Variants in MREG observed in about 807,000 individuals in gnomAD.
MREG encodes melanoregulin, also known as dilute suppressor protein homolog.
A neutral mutation model predicts 28.5 loss-of-function variants in MREG; 31 were observed. The observed-to-expected ratio is 1.09, with a 90% CI of 0.82 to 1.47. MREG has a LOEUF of 1.47. MREG is among the 40% of genes most tolerant of loss of function. The pLI is 0.00. For synonymous variants in MREG, 106 were observed against 95.2 expected, an observed-to-expected ratio of 1.11 and a Z score of -0.66; for missense variants, 256 against 257.4, an observed-to-expected ratio of 0.99 and a Z score of 0.04.
At chr2:216,031,273 G>C (rs902795854) in intron 1 of MREG, among the ~76,000 whole-genome samples, 6 of 151,970 alleles carry the variant, frequency 3.9e-5, no homozygotes, top group Admixed American at 6.6e-5. Context: ...TGGGCATGGT[G>C]GTGGGCGCCT....
intron 1 of MREG, among the ~76,000 whole-genome samples, chr2:216,028,191 TGAAA>T (rs1694624547): frequency 6.6e-6 from 1 of 152,142 alleles, no homozygotes; most frequent in South Asian, 2.1e-4. Flanking sequence ...TGCAAACCAT[TGAAA>T]GAGATGTCTT....
intron 2 of MREG, among the ~76,000 whole-genome samples, chr2:215,956,050 A>C (rs1210955136): frequency 6.6e-6 from 1 of 152,228 alleles, no homozygotes; most frequent in East Asian, 1.9e-4. Context: ...TCATAATGTC[A>C]AACGTATAAC....
intron 2 of MREG, among the ~76,000 whole-genome samples, chr2:215,988,074 A>C (rs1693623653): frequency 6.6e-6 from 1 of 152,088 alleles, no homozygotes; most frequent in African/African-American, 2.4e-5. Context: ...GCCTGATTTT[A>C]TTTCTTAGGC....
intron 1 of MREG, among the ~76,000 whole-genome samples, chr2:216,023,502 G>C (rs1040133540): frequency 1.3e-5 from 2 of 152,120 alleles, no homozygotes; most frequent in Non-Finnish European, 2.9e-5. Context: ...GTGCCAAATA[G>C]CTTTGATTAT....
At chr2:216,028,276 G>A (rs530106863) in intron 1 of MREG, among the ~76,000 whole-genome samples, 23 of 152,312 alleles carry the variant, frequency 1.5e-4, no homozygotes, top group African/African-American at 5.5e-4. Context: ...AGCACTTTGG[G>A]AGGCTGAGGC....
intron 2 of MREG, among the ~76,000 whole-genome samples, chr2:215,961,465 G>A (rs542592203): frequency 6.6e-6 from 1 of 152,006 alleles, no homozygotes; most frequent in South Asian, 2.1e-4. Flanking sequence ...TTGCTCTGTC[G>A]CCCAGGCTGG....
chr2:215,949,059 ACT>A (rs1369416393), intron 2 of MREG, among the ~76,000 whole-genome samples: 58 of 139,822 alleles, frequency 4.1e-4, no homozygotes, highest in South Asian at 7.2e-4. Context: ...TACTACTACT[ACT>A]ACTACTACTA....
chr2:215,995,754 T>A (rs772965138), intron 2 of MREG, among the ~76,000 whole-genome samples: 17 of 152,220 alleles, frequency 1.1e-4, no homozygotes, highest in Non-Finnish European at 2.4e-4. Flanking sequence ...TATTCTAGTG[T>A]TCTTAAATCA....
intron 2 of MREG, 55 bp from the exon 3 acceptor site, chr2:215,947,168 CTCATTCCCAAACT>C: frequency 8.8e-7 from 1 of 1,131,770 alleles, no homozygotes; most frequent in South Asian, 1.4e-5. Flanking sequence ...AAACCTCTAT[CTCATTCCCAAACT>C]TCATGTTGCC....
At chr2:215,973,062 C>A (rs1693148221) in intron 2 of MREG, among the ~76,000 whole-genome samples, 1 of 152,058 alleles carries the variant, frequency 6.6e-6, no homozygotes, top group South Asian at 2.1e-4. Context: ...AAGGAGCAAC[C>A]AAAAGGGGCA....
rs1692238188 is a variant in MREG, at chr2:215,943,645, T to C, written c.*1218A>G. ...TGACGAGGTCAGGAGATCGAGACCA[T>C]CGTGGCTAACATGGTGAAACCCCGT... is the stretch of plus-strand genomic sequence containing the variant. On this transcript the variant is annotated 3_prime_UTR_variant, in exon 5 of 5. Coordinates refer to ENST00000263268, the MANE Select transcript of MREG (RefSeq NM_018000.3). 1 of 366,158 alleles carries C rather than the reference T, an allele frequency of 2.7e-6. No individual in the cohort carries two copies. The highest frequency in any genetic ancestry group is 8.9e-4 in the Middle Eastern group (1 of 1,118). 22.7% of individuals were successfully genotyped at this position (366,158 alleles called of 1,614,324 possible). A position where few individuals can be genotyped will look rare whatever the true frequency, so the allele number is the denominator to read the frequency against.
At chr2:215,971,374 C>A (rs76388792) in intron 2 of MREG, among the ~76,000 whole-genome samples, 2,282 of 152,302 alleles carry the variant, frequency 0.015, 29 homozygotes, top group Middle Eastern at 0.024. Context: ...AATAGAAAAT[C>A]ATCATTCTGA....
intron 2 of MREG, among the ~76,000 whole-genome samples, chr2:215,961,368 A>ACC (rs3078458): frequency 0.88 from 133,706 of 152,002 alleles, 58,886 homozygotes; most frequent in Non-Finnish European, 0.91. Context: ...CATTAGACCT[A>ACC]CCCATTCAGT....
chr2:216,001,327 G>A (rs1322951608), intron 1 of MREG, among the ~76,000 whole-genome samples: 1 of 152,182 alleles, frequency 6.6e-6, no homozygotes, highest in Non-Finnish European at 1.5e-5. Flanking sequence ...CTAATTAGAA[G>A]CAGTATTCCC....
chr2:216,024,452 A>G (rs575666218), intron 1 of MREG, among the ~76,000 whole-genome samples: 67 of 151,874 alleles, frequency 4.4e-4, no homozygotes, highest in Non-Finnish European at 9.0e-4. Context: ...TCAGTCTCAA[A>G]AAAAAAAAAG....
intron 1 of MREG, among the ~76,000 whole-genome samples, chr2:216,024,581 G>A (rs1694566958): frequency 2.0e-5 from 3 of 152,094 alleles, no homozygotes; most frequent in African/African-American, 7.2e-5. Flanking sequence ...CTTGCCTATA[G>A]AAAATATATT....
intron 1 of MREG, among the ~76,000 whole-genome samples, chr2:216,005,827 T>G (rs1694138713): frequency 7.6e-6 from 1 of 130,788 alleles, no homozygotes; most frequent in African/African-American, 3.3e-5. Flanking sequence ...AACACAAGTT[T>G]TTAAAAGATT....
At position 215,982,322 on chromosome 2, in the gene MREG, A is replaced by G. The variant is rs182621949; in HGVS notation, c.255+13984T>C. ...GGTGACAGGAGCAAAATTCTGTCACAGCAAAACTCCGTCAAAAAAAAAAAA... is the reference window on the plus strand; with the variant it reads ...GGTGACAGGAGCAAAATTCTGTCACGGCAAAACTCCGTCAAAAAAAAAAAA... On this transcript the variant is annotated intron_variant, in intron 2 of 4. Coordinates refer to ENST00000263268, the MANE Select transcript of MREG (RefSeq NM_018000.3). 5.0e-3 allele frequency among the ~76,000 whole-genome samples: 703 copies of G among 140,546 alleles called. 3 individuals carry two copies. The highest frequency in any genetic ancestry group is 9.3e-3 in the Admixed American group (123 of 13,292). 92.2% of individuals were successfully genotyped at this position (140,546 alleles called of 152,430 possible).
chr2:216,031,858 T>G (rs371490902), intron 1 of MREG, among the ~76,000 whole-genome samples: 2 of 152,226 alleles, frequency 1.3e-5, no homozygotes, highest in African/African-American at 2.4e-5. Context: ...AAGTCTTACC[T>G]ACCTGAGGAC....
Sources: gnomAD v4.1 joint callset for allele counts (sites outside exome capture counted in the v4.1 genomes callset) on GRCh38, gnomAD v4.1.1 for gene constraint, MANE v1.5 for transcripts, NCBI Gene and HGNC (gene_info 2026-07-23, HGNC 2026-07-21) for gene names.